PPM1H: variants seen among roughly 807,000 people sequenced by gnomAD.
PPM1H encodes the protein protein phosphatase, Mg2+/Mn2+ dependent 1H.
PPM1H carries 27 observed loss-of-function variants against 54.9 expected under a neutral mutation model. The ratio of observed to expected loss-of-function variants is 0.49; its 90% CI spans 0.36 to 0.68. The LOEUF is 0.68. PPM1H is among the 30% of genes least tolerant of loss of function. The pLI, the probability that PPM1H is intolerant of heterozygous loss-of-function variation, is 0.00. For synonymous variants in PPM1H, 305 were observed against 270.8 expected, an observed-to-expected ratio of 1.13 and a Z score of -1.24; for missense variants, 596 against 667.8, an observed-to-expected ratio of 0.89 and a Z score of 1.19.
rs1205073514 is a variant in PPM1H at position 62,826,534 on chromosome 12, A to T, written c.411+5580T>A. Among the ~76,000 whole-genome samples, 3 of 152,340 alleles carry T rather than the reference A, an allele frequency of 2.0e-5. No homozygotes were observed. The East Asian group carries it at 5.8e-4, about 29-fold the overall frequency. ...TCATGAAATATAAAGTCACACTTCT[A>T]TTGAAATCCTCTGTACATCACTGAT... On this transcript the variant is annotated intron_variant, in intron 2 of 9. Transcript: ENST00000228705.
At chr12:62,775,632 T>TAC (rs1401175159) in intron 4 of PPM1H, among the ~76,000 whole-genome samples, 1 of 143,558 alleles carries the variant, frequency 7.0e-6, no homozygotes, top group Non-Finnish European at 1.5e-5. Context: ...CACACACACA[T>TAC]ACACACACAC....
chr12:62,894,202 G>GT (rs1316965771), intron 1 of PPM1H, among the ~76,000 whole-genome samples: 3 of 152,178 alleles, frequency 2.0e-5, no homozygotes, highest in African/African-American at 7.2e-5. Flanking sequence ...AGTTGGGAGT[G>GT]TTTTAAACTC....
At chr12:62,846,499 C>CA (rs34661143) in intron 1 of PPM1H, among the ~76,000 whole-genome samples, 18,732 of 138,076 alleles carry the variant, frequency 0.14, 2,291 homozygotes, top group African/African-American at 0.32. Flanking sequence ...GATTCCGCCT[C>CA]AAAAAAAAAA....
intron 2 of PPM1H, among the ~76,000 whole-genome samples, chr12:62,815,679 T>G (rs555607606): frequency 6.6e-6 from 1 of 152,242 alleles, no homozygotes; most frequent in South Asian, 2.1e-4. Context: ...TTTTCATATT[T>G]TAACTCACTT....
chr12:62,794,464 G>A (rs1056780541), intron 3 of PPM1H, among the ~76,000 whole-genome samples: 4 of 152,128 alleles, frequency 2.6e-5, no homozygotes, highest in Admixed American at 2.6e-4. Context: ...CCCAGTGATG[G>A]AATTACATAT....
chr12:62,729,899 G>C (rs193228803), intron 5 of PPM1H, among the ~76,000 whole-genome samples: 1 of 152,066 alleles, frequency 6.6e-6, no homozygotes, highest in South Asian at 2.1e-4. Context: ...TGACCTGCAC[G>C]TACACATCCA....
chr12:62,849,882 AAAC>A (rs1869115234), intron 1 of PPM1H, among the ~76,000 whole-genome samples: 1 of 152,230 alleles, frequency 6.6e-6, no homozygotes, highest in Non-Finnish European at 1.5e-5. Flanking sequence ...TGACACTGTT[AAAC>A]AACTGCTCTA....
chr12:62,882,101 A>T (rs1870417667), intron 1 of PPM1H, among the ~76,000 whole-genome samples: 2 of 152,256 alleles, frequency 1.3e-5, no homozygotes, highest in Non-Finnish European at 2.9e-5. Context: ...ACTAATAAAT[A>T]AAATGAAAGT....
At chr12:62,653,190 T>C (rs555224180) in intron 9 of PPM1H, among the ~76,000 whole-genome samples, 35 of 152,328 alleles carry the variant, frequency 2.3e-4, no homozygotes, top group Non-Finnish European at 4.0e-4. Flanking sequence ...CACTAAGACA[T>C]AACAAAAAGG....
chr12:62,832,410 T>C (rs989384225), intron 1 of PPM1H, 131 bp from the exon 2 acceptor site: 1 of 811,358 alleles, frequency 1.2e-6, no homozygotes, highest in Non-Finnish European at 1.9e-6. Context: ...CTAAGAACAT[T>C]ATGGTCTTGG....
At chr12:62,923,462 C>A (rs1695004) in intron 1 of PPM1H, among the ~76,000 whole-genome samples, 81,286 of 151,748 alleles carry the variant, frequency 0.54, 22,051 homozygotes, top group East Asian at 0.66. Flanking sequence ...AGTGCAATGG[C>A]GCGATCTCGG....
intron 4 of PPM1H, among the ~76,000 whole-genome samples, chr12:62,746,716 C>T (rs538968708): frequency 6.6e-6 from 1 of 152,298 alleles, no homozygotes; most frequent in Admixed American, 6.5e-5. Flanking sequence ...TGTGGTTTCA[C>T]CCTGCAGAAT....
At chr12:62,758,559 G>A (rs1023730660) in intron 4 of PPM1H, among the ~76,000 whole-genome samples, 3 of 152,092 alleles carry the variant, frequency 2.0e-5, no homozygotes, top group Non-Finnish European at 4.4e-5. Context: ...TCTTGGTGGT[G>A]GGACATGTGC....
At chr12:62,713,048 TA>T (rs1195769563) in intron 6 of PPM1H, among the ~76,000 whole-genome samples, 1 of 152,204 alleles carries the variant, frequency 6.6e-6, no homozygotes, top group African/African-American at 2.4e-5. Flanking sequence ...CAATAAAGAA[TA>T]AGATAGAAGC....
At chr12:62,729,255 G>A (rs1275088336) in intron 5 of PPM1H, among the ~76,000 whole-genome samples, 2 of 152,178 alleles carry the variant, frequency 1.3e-5, no homozygotes, top group Admixed American at 6.5e-5. Flanking sequence ...ATCTGCAAAG[G>A]AGCTTAAGAG....
intron 5 of PPM1H, among the ~76,000 whole-genome samples, chr12:62,736,755 T>C (rs988587330): frequency 4.6e-5 from 7 of 152,146 alleles, no homozygotes; most frequent in Non-Finnish European, 7.3e-5. Context: ...GGCGAGAAAA[T>C]ATTTCATCCA....
intron 1 of PPM1H, among the ~76,000 whole-genome samples, chr12:62,894,808 G>A (rs1008632615): frequency 6.6e-6 from 1 of 152,182 alleles, no homozygotes; most frequent in Admixed American, 6.5e-5. Flanking sequence ...AAAGAGGAAG[G>A]CTCAATTGAG....
chr12:62,817,961 T>C (rs1253202651), intron 2 of PPM1H, among the ~76,000 whole-genome samples: 1 of 152,188 alleles, frequency 6.6e-6, no homozygotes, highest in Non-Finnish European at 1.5e-5. Flanking sequence ...TAGCAGATAC[T>C]GAAACCACAC....
chr12:62,836,090 A>G (rs1868495544), intron 1 of PPM1H, among the ~76,000 whole-genome samples: 1 of 152,252 alleles, frequency 6.6e-6, no homozygotes. Flanking sequence ...GTCAACAGGA[A>G]AAACGACTAT....
Sources: gnomAD v4.1 joint callset for allele counts (sites outside exome capture counted in the v4.1 genomes callset) on GRCh38, gnomAD v4.1.1 for gene constraint, MANE v1.5 for transcripts, NCBI Gene and HGNC (gene_info 2026-07-23, HGNC 2026-07-21) for gene names.